SPMIP7: variants seen among roughly 807,000 people sequenced by gnomAD.
SPMIP7 encodes protein SPMIP7.
At chr7:50,129,706 A>C in the SPMIP7 span, 1 of 1,526,470 alleles carries the variant, frequency 6.6e-7, no homozygotes, top group Non-Finnish European at 8.9e-7. Flanking sequence ...CTTATTTTTC[A>C]TGCCTTCTAG....
At chr7:50,153,021 A>T in the SPMIP7 span, among the ~76,000 whole-genome samples, 14 of 152,278 alleles carry the variant, frequency 9.2e-5, no homozygotes, top group South Asian at 6.2e-4. Context: ...ATTCTGGGCC[A>T]GGCACTGTTC....
At chr7:50,134,375 T>A in the SPMIP7 span, 1 of 730,686 alleles carries the variant, frequency 1.4e-6, no homozygotes. Flanking sequence ...GTAAGATAAG[T>A]AAATATATAT....
the SPMIP7 span, among the ~76,000 whole-genome samples, chr7:50,099,751 A>T: frequency 6.6e-6 from 1 of 152,178 alleles, no homozygotes. Context: ...TTCATGACTG[A>T]TAAGACAGAT....
chr7:50,143,159 A>ATT, the SPMIP7 span, among the ~76,000 whole-genome samples: 17 of 113,608 alleles, frequency 1.5e-4, no homozygotes, highest in African/African-American at 4.1e-4. Flanking sequence ...AGTGAAAGCC[A>ATT]TTTTTTTTTT....
the SPMIP7 span, among the ~76,000 whole-genome samples, chr7:50,157,476 C>A: frequency 6.6e-6 from 1 of 152,164 alleles, no homozygotes; most frequent in African/African-American, 2.4e-5. Flanking sequence ...TTCACAGAAA[C>A]TTGCCTTCCC....
the SPMIP7 span, chr7:50,151,575 T>TAC: frequency 6.7e-7 from 1 of 1,494,814 alleles, no homozygotes; most frequent in Non-Finnish European, 9.1e-7. Context: ...TGAATCCTAT[T>TAC]ACTCAATTTG....
At chr7:50,097,579 G>A in the SPMIP7 span, among the ~76,000 whole-genome samples, 2 of 151,418 alleles carry the variant, frequency 1.3e-5, no homozygotes, top group African/African-American at 2.4e-5. Flanking sequence ...GTTGCTGTAC[G>A]ACCCAGGGCT....
At chr7:50,120,667 C>G in the SPMIP7 span, among the ~76,000 whole-genome samples, 1 of 152,206 alleles carries the variant, frequency 6.6e-6, no homozygotes, top group South Asian at 2.1e-4. Context: ...GAGTAGCTAA[C>G]AGCTGGTTTG....
the SPMIP7 span, among the ~76,000 whole-genome samples, chr7:50,110,866 A>G: frequency 7.4e-6 from 1 of 134,404 alleles, no homozygotes; most frequent in Non-Finnish European, 1.5e-5. Context: ...ATTAGATATT[A>G]TACTATATTA....
the SPMIP7 span, among the ~76,000 whole-genome samples, chr7:50,102,074 A>T: frequency 6.6e-6 from 1 of 152,210 alleles, no homozygotes; most frequent in African/African-American, 2.4e-5. Context: ...CTGTAATCCC[A>T]GCAGTTTGGG....
chr7:50,114,949 G>A, the SPMIP7 span, among the ~76,000 whole-genome samples: 1 of 150,938 alleles, frequency 6.6e-6, no homozygotes, highest in African/African-American at 2.4e-5. Context: ...AGAGACACTT[G>A]AACCTGGGAG....
At chr7:50,117,668 T>G in the SPMIP7 span, among the ~76,000 whole-genome samples, 1 of 152,226 alleles carries the variant, frequency 6.6e-6, no homozygotes, top group South Asian at 2.1e-4. Flanking sequence ...TGATACTTTT[T>G]GTTTTTTGGT....
chr7:50,143,329 T>A, the SPMIP7 span, among the ~76,000 whole-genome samples: 1 of 152,112 alleles, frequency 6.6e-6, no homozygotes, highest in Non-Finnish European at 1.5e-5. Context: ...CATGCCTGGC[T>A]AATTTTTTGT....
the SPMIP7 span, among the ~76,000 whole-genome samples, chr7:50,101,757 A>G: frequency 6.6e-6 from 1 of 152,190 alleles, no homozygotes; most frequent in African/African-American, 2.4e-5. Context: ...TTGTGGCACA[A>G]TAGACTTCTA....
chr7:50,103,108 C>T, the SPMIP7 span, among the ~76,000 whole-genome samples: 2 of 150,024 alleles, frequency 1.3e-5, no homozygotes, highest in African/African-American at 4.9e-5. Flanking sequence ...GATAGAGCTG[C>T]ACCAGGGTGG....
chr7:50,134,102 T>C, the SPMIP7 span: 1 of 1,538,356 alleles, frequency 6.5e-7, no homozygotes, highest in Non-Finnish European at 8.7e-7. Flanking sequence ...TTTAATAACT[T>C]CATAGAGCTT....
the SPMIP7 span, among the ~76,000 whole-genome samples, chr7:50,123,708 C>T: frequency 6.6e-6 from 1 of 151,296 alleles, no homozygotes; most frequent in Non-Finnish European, 1.5e-5. Flanking sequence ...CACTAAAACG[C>T]AATGTAAAGA....
chr7:50,123,384 A>G, the SPMIP7 span, among the ~76,000 whole-genome samples: 2 of 130,032 alleles, frequency 1.5e-5, no homozygotes, highest in Non-Finnish European at 3.2e-5. Context: ...ACATGGACAC[A>G]GGAAGGGGTA....
chr7:50,127,474 G>GA, the SPMIP7 span, among the ~76,000 whole-genome samples: 1 of 151,416 alleles, frequency 6.6e-6, no homozygotes, highest in Non-Finnish European at 1.5e-5. Context: ...ACAGAATGGG[G>GA]AAAATATTTG....
Sources: allele counts gnomAD v4.1 joint callset (sites outside exome capture counted in the v4.1 genomes callset), GRCh38; gene constraint gnomAD v4.1.1; transcripts MANE v1.5; gene names NCBI Gene and HGNC (gene_info 2026-07-23, HGNC 2026-07-21).